CHRNA7: variants seen among roughly 807,000 people sequenced by gnomAD.
The protein encoded by CHRNA7 is neuronal acetylcholine receptor subunit alpha-7.
Under a neutral mutation model 48.0 loss-of-function variants are expected in CHRNA7, and 17 were observed. The observed-to-expected ratio is 0.35, with a 90% CI of 0.24 to 0.53. CHRNA7 has a LOEUF of 0.53. Ranked by LOEUF, CHRNA7 falls within the 20% of genes least tolerant of loss-of-function variation. The pLI, the probability that CHRNA7 is intolerant of heterozygous loss-of-function variation, is 0.92. For missense variants in CHRNA7, 155 were observed against 577.7 expected, an observed-to-expected ratio of 0.27 and a Z score of 7.50; for synonymous variants, 75 against 242.3, an observed-to-expected ratio of 0.31 and a Z score of 6.41.
chr15:32,086,251 C>T (rs2141239400), intron 2 of CHRNA7, among the ~76,000 whole-genome samples: 1 of 151,336 alleles, frequency 6.6e-6, no homozygotes. Context: ...CGCCTGTAGT[C>T]CCAGCTACTC....
At chr15:32,123,964 CAAA>C (rs57791060) in intron 4 of CHRNA7, among the ~76,000 whole-genome samples, 4 of 47,146 alleles carry the variant, frequency 8.5e-5, no homozygotes, top group African/African-American at 2.8e-4. Flanking sequence ...AAAATCTGGC[CAAA>C]AAAAAAAAAA....
intron 3 of CHRNA7, among the ~76,000 whole-genome samples, chr15:32,104,227 C>G (rs920708626): frequency 1.3e-5 from 2 of 151,992 alleles, no homozygotes; most frequent in Non-Finnish European, 2.9e-5. Flanking sequence ...CCTGGCTGCA[C>G]TCACTGTCCA....
chr15:32,115,871 C>T (rs1221830041), intron 4 of CHRNA7, among the ~76,000 whole-genome samples: 2 of 151,948 alleles, frequency 1.3e-5, no homozygotes, highest in Non-Finnish European at 2.9e-5. Flanking sequence ...CTAAGAACAG[C>T]CAGAGAAGAA....
At position 32,033,694 on chromosome 15, in the gene CHRNA7, G is replaced by T. The variant is rs1027261286; in HGVS notation, c.195+2657G>T. 5.3e-5 allele frequency among the ~76,000 whole-genome samples: 8 copies of T among 152,208 alleles called. 1 individual carries two copies. Among genetic ancestry groups the T allele is most frequent in the African/African-American group, 1.9e-4 (8 of 41,438 alleles). ...CCAGGTCTCTCCAGCTGAAATCTCA[G>T]CGCTCTGGACAGAGACACAATGGTT... is the stretch of plus-strand genomic sequence containing the variant. On this transcript the variant is annotated intron_variant, in intron 2 of 9. Transcript: ENST00000306901.
intron 2 of CHRNA7, among the ~76,000 whole-genome samples, chr15:32,070,879 G>A (rs907859420): frequency 5.3e-5 from 8 of 151,550 alleles, no homozygotes; most frequent in African/African-American, 1.9e-4. Flanking sequence ...AGTAGAGATA[G>A]GGTTTCACCG....
chr15:32,030,752 G>T (rs759989565), intron 1 of CHRNA7, 103 bp downstream of exon 1: 19 of 1,514,400 alleles, frequency 1.3e-5, no homozygotes, highest in Non-Finnish European at 1.7e-5. Context: ...GGATCTCCCC[G>T]CCGCCGGGGA....
rs528446614 is a variant in CHRNA7, at chr15:32,075,860, GCTTT to G, written c.196-25440_196-25437del. On this transcript the variant is annotated intron_variant, in intron 2 of 9. Transcript: ENST00000306901. ...TTGTAAATTTCCTTCAGCATTGCTTGCTTTCTATCTCACAAATTTTAATATGTTG... is the reference window on the plus strand; with the variant it reads ...TTGTAAATTTCCTTCAGCATTGCTTGCTATCTCACAAATTTTAATATGTTG... Among the ~76,000 whole-genome samples, 812 of 151,166 alleles carry G rather than the reference GCTTT, an allele frequency of 5.4e-3. 4 individuals carry two copies. Among genetic ancestry groups the G allele is most frequent in the Non-Finnish European group, 9.8e-3 (664 of 67,790 alleles).
At chr15:32,072,200 G>C (rs530193287) in intron 2 of CHRNA7, among the ~76,000 whole-genome samples, 1 of 152,164 alleles carries the variant, frequency 6.6e-6, no homozygotes, top group South Asian at 2.1e-4. Flanking sequence ...TCATGTTCTA[G>C]GGATTTATGG....
chr15:32,064,703 T>C (rs1035345887), intron 2 of CHRNA7, among the ~76,000 whole-genome samples: 2 of 152,150 alleles, frequency 1.3e-5, no homozygotes, highest in Non-Finnish European at 2.9e-5. Context: ...GGGCAGTATG[T>C]GCCTGGCAGT....
chr15:32,032,744 G>A (rs1050327265), intron 2 of CHRNA7, among the ~76,000 whole-genome samples: 1 of 152,150 alleles, frequency 6.6e-6, no homozygotes, highest in Admixed American at 6.5e-5. Flanking sequence ...GGGGGTGATG[G>A]TGTAGTAGCC....
At chr15:32,125,384 A>G (rs966500388) in intron 4 of CHRNA7, among the ~76,000 whole-genome samples, 1 of 152,218 alleles carries the variant, frequency 6.6e-6, no homozygotes, top group African/African-American at 2.4e-5. Context: ...AGGAAGCAGC[A>G]TGTGGGGTCT....
chr15:32,074,833 G>A (rs1490661973), intron 2 of CHRNA7, among the ~76,000 whole-genome samples: 1 of 152,014 alleles, frequency 6.6e-6, no homozygotes. Flanking sequence ...AGTTTCATTA[G>A]AGATGAGGTT....
In CHRNA7 at chr15:32,101,094, G is replaced by A. The variant is rs543391177; in HGVS notation, c.196-209G>A. On this transcript the variant is annotated intron_variant, in intron 2 of 9. Coordinates refer to ENST00000306901, the MANE Select transcript of CHRNA7 (RefSeq NM_000746.6). ...TTATACTTTTCCATCTTTTTTAAGT[G>A]CTGTATAATAAATGTGTCTTACTTT... The A allele has an allele frequency of 2.2e-5, 11 of 509,804 alleles. No homozygotes were observed. The South Asian group carries it at 2.8e-4, about 13-fold the overall frequency. The allele number at this position is 509,804 out of a possible 1,614,324, so 31.6% of individuals were successfully genotyped here.
At chr15:32,147,820 G>T (rs183039517) in intron 4 of CHRNA7, among the ~76,000 whole-genome samples, 1 of 152,276 alleles carries the variant, frequency 6.6e-6, no homozygotes, top group Non-Finnish European at 1.5e-5. Flanking sequence ...ATGACAGGGT[G>T]TGTCTCTCCC....
chr15:32,135,360 A>G (rs1297862023), intron 4 of CHRNA7, among the ~76,000 whole-genome samples: 1 of 152,252 alleles, frequency 6.6e-6, no homozygotes, highest in Non-Finnish European at 1.5e-5. Context: ...AGATGTTCTC[A>G]GTTCAATGGG....
rs1409062307 is a variant in CHRNA7 at position 32,136,961 on chromosome 15, G to A, written c.351-16946G>A. ...GCAGGAGAATGGCGTGAACCCGGGA[G>A]GCGGAGCTTGCAGTGAGCCGAGATC... is the stretch of plus-strand genomic sequence containing the variant. On this transcript the variant is annotated intron_variant, in intron 4 of 9. Coordinates refer to ENST00000306901, the MANE Select transcript of CHRNA7 (RefSeq NM_000746.6). 5.2e-4 allele frequency among the ~76,000 whole-genome samples: 77 copies of A among 147,262 alleles called. 1 individual carries two copies. The highest frequency in any genetic ancestry group is 9.5e-4 in the Non-Finnish European group (64 of 67,112).
chr15:32,051,645 C>T (rs973488822), intron 2 of CHRNA7, among the ~76,000 whole-genome samples: 8 of 152,118 alleles, frequency 5.3e-5, no homozygotes, highest in Non-Finnish European at 7.4e-5. Flanking sequence ...GTGCATGGTG[C>T]GCTGCACCGA....
At chr15:32,041,459 G>T (rs1182201233) in intron 2 of CHRNA7, among the ~76,000 whole-genome samples, 2 of 152,218 alleles carry the variant, frequency 1.3e-5, no homozygotes, top group African/African-American at 4.8e-5. Context: ...CTGTAAGAAT[G>T]TCACGCTGCC....
intron 2 of CHRNA7, among the ~76,000 whole-genome samples, chr15:32,072,115 A>G (rs775669410): frequency 1.3e-5 from 2 of 152,212 alleles, no homozygotes; most frequent in Non-Finnish European, 2.9e-5. Flanking sequence ...AGTCTCAGAT[A>G]GAAATGAGGA....
Sources: gnomAD v4.1 joint callset for allele counts (sites outside exome capture counted in the v4.1 genomes callset) on GRCh38, gnomAD v4.1.1 for gene constraint, MANE v1.5 for transcripts, NCBI Gene and HGNC (gene_info 2026-07-23, HGNC 2026-07-21) for gene names.